The following ARHGAP30 variants were observed in gnomAD, a reference collection of about 807,000 sequenced individuals.
ARHGAP30 encodes rho GTPase-activating protein 30.
A neutral mutation model predicts 72.0 loss-of-function variants in ARHGAP30; 23 were observed. The observed-to-expected ratio is 0.32, with a 90% CI of 0.23 to 0.45. ARHGAP30 has a LOEUF of 0.45. Ranked by LOEUF, ARHGAP30 falls within the 20% of genes least tolerant of loss-of-function variation. ARHGAP30 has a pLI of 1.00. For missense variants in ARHGAP30, 1,319 were observed against 1,383.4 expected, an observed-to-expected ratio of 0.95 and a Z score of 0.74; for synonymous variants, 576 against 528.2, an observed-to-expected ratio of 1.09 and a Z score of -1.24.
rs777142994 is a variant in ARHGAP30 at position 161,052,765 on chromosome 1, G to A, written c.697C>T (p.Pro233Ser). 2 of 1,611,774 alleles carry A rather than the reference G, an allele frequency of 1.2e-6. No individual in the cohort carries two copies. The highest frequency in any genetic ancestry group is 1.3e-5 in the African/African-American group (1 of 74,954). Residue 233 changes from proline to serine, a missense_variant, in exon 7 of 12, where the codon CCA becomes TCA. Physicochemically the swap from Pro to Ser is moderately conservative, Grantham distance 74. Transcript: ENST00000368013. Reference sequence around the variant, plus strand: ...GGGCTGCCTGATGCCCGGGTCCCTGGAAGCGATCGCCACCCACTCTCCACC... The same window carrying A: ...GGGCTGCCTGATGCCCGGGTCCCTGAAAGCGATCGCCACCCACTCTCCACC... ...GEVESGWRSLPGTRASGSPED... is the reference protein window; with the variant it reads ...GEVESGWRSLSGTRASGSPED...
intron 10 of ARHGAP30, 48 bp from the exon 11 acceptor site, chr1:161,049,737 C>A: frequency 6.3e-7 from 1 of 1,580,812 alleles, no homozygotes; most frequent in South Asian, 1.2e-5. Context: ...AAGCCCTGAC[C>A]CTTTTCAGTG....
At chr1:161,051,750 C>T (rs1208550964) in intron 9 of ARHGAP30, 35 bp from the exon 10 acceptor site, 5 of 1,550,414 alleles carry the variant, frequency 3.2e-6, no homozygotes, top group Non-Finnish European at 4.3e-6. Flanking sequence ...TAGGCAATAG[C>T]CTAAACTCCA....
At chr1:161,067,667 C>T (rs1652865734) in intron 1 of ARHGAP30, among the ~76,000 whole-genome samples, 1 of 152,018 alleles carries the variant, frequency 6.6e-6, no homozygotes, top group African/African-American at 2.4e-5. Context: ...AAGGAAGAGA[C>T]CCATGTGGGG....
Position 161,047,703 on chromosome 1 carries a change from C to T in ARHGAP30, c.*12G>A. ...ACTTGCTGGTCCCCTTTGCCCAGGG[C>T]TGTGGTCCTAATCACAGTCCTTCAC... On this transcript the variant is annotated 3_prime_UTR_variant, in exon 12 of 12. Coordinates refer to ENST00000368013, the MANE Select transcript of ARHGAP30 (RefSeq NM_001025598.2). The T allele has an allele frequency of 6.6e-7, 1 of 1,511,204 alleles. No homozygotes were observed. The highest frequency in any genetic ancestry group is 8.8e-7 in the Non-Finnish European group (1 of 1,130,330). 93.6% of individuals were successfully genotyped at this position (1,511,204 alleles called of 1,614,324 possible).
intron 3 of ARHGAP30, among the ~76,000 whole-genome samples, chr1:161,055,682 G>A (rs1304887084): frequency 6.6e-6 from 1 of 151,598 alleles, no homozygotes. Context: ...TACTCGGGAG[G>A]CTGAGGCAGG....
In ARHGAP30 at chr1:161,054,440, G is replaced by A; in HGVS notation, c.462C>T (p.His154=). Residue 154 remains histidine, a synonymous_variant, in exon 5 of 12, where the codon CAC becomes CAT. Coordinates refer to ENST00000368013, the MANE Select transcript of ARHGAP30 (RefSeq NM_001025598.2). ...TLEFLMRHLV[H]MASFSAQTNM... ...TGGTCTGGGCACTGAATGAGGCCATGTGTACCAAGTGCCTCATGAGGAACT... is the reference window on the plus strand; with the variant it reads ...TGGTCTGGGCACTGAATGAGGCCATATGTACCAAGTGCCTCATGAGGAACT... 1 of 1,614,028 alleles carries A rather than the reference G, an allele frequency of 6.2e-7. No homozygotes were observed. Among genetic ancestry groups the A allele is most frequent in the Admixed American group, 1.7e-5 (1 of 59,990 alleles).
intron 2 of ARHGAP30, among the ~76,000 whole-genome samples, chr1:161,057,878 A>G (rs12036299): frequency 0.26 from 39,437 of 151,848 alleles, 7,700 homozygotes; most frequent in African/African-American, 0.55. Context: ...TGGGCTGAGC[A>G]TGGTGGCTCA....
chr1:161,052,793 A>C lies in ARHGAP30; in HGVS notation c.669T>G (p.Gly223=), dbSNP rs752676084. 6.2e-7 allele frequency: 1 copy of C among 1,609,924 alleles called. No homozygotes were observed. The highest frequency in any genetic ancestry group is 2.2e-5 in the East Asian group (1 of 44,828). The change falls in exon 7 of 12, where the codon GGT becomes GGG. Residue 223 remains glycine, a synonymous_variant. Transcript: ENST00000368013. ...QLFGGAALSG[G]EVESGWRSLP... ...GCGATCGCCACCCACTCTCCACCTC[A>C]CCACCTGGGAAAAGAAAAGGAATTG...
intron 6 of ARHGAP30, 114 bp from the exon 7 acceptor site, chr1:161,052,911 C>T: frequency 1.5e-6 from 2 of 1,307,256 alleles, no homozygotes; most frequent in South Asian, 2.9e-5. Flanking sequence ...ATTCAGAAGC[C>T]CCTGAAGACA....
intron 1 of ARHGAP30, among the ~76,000 whole-genome samples, chr1:161,060,816 C>T (rs1177558069): frequency 6.6e-6 from 1 of 150,664 alleles, no homozygotes; most frequent in Non-Finnish European, 1.5e-5. Flanking sequence ...AGTCTCCTGC[C>T]TCAGCCTCTC....
rs532082919 is a variant in ARHGAP30 at position 161,063,624 on chromosome 1, T to A, written c.98-3908A>T. Among the ~76,000 whole-genome samples the A allele has an allele frequency of 8.5e-5, 13 of 152,356 alleles. No homozygotes were observed. In the East Asian group the frequency reaches 2.5e-3, roughly 29 times the overall value. ...ACCCTGAAAAAAGAACAGGATAACA[T>A]CAATTGTTCAGGGAATAAGAGAGAT... On this transcript the variant is annotated intron_variant, in intron 1 of 11. Transcript: ENST00000368013.
rs1651359148 is a variant in ARHGAP30 at position 161,051,441 on chromosome 1, G to C, written c.1293C>G (p.Pro431=). 6.2e-7 allele frequency: 1 copy of C among 1,614,124 alleles called. No homozygotes were observed. Among genetic ancestry groups the C allele is most frequent in the Admixed American group, 1.7e-5 (1 of 60,016 alleles). The change falls in exon 10 of 12, where the codon CCC becomes CCG. Residue 431 remains proline, a synonymous_variant. Coordinates refer to ENST00000368013, the MANE Select transcript of ARHGAP30 (RefSeq NM_001025598.2). ...AGGAAACGTTAGAGATGATGTTCGG[G>C]GGCACACTGAGGATAGAGGTGATGT... ...PLHITSILSV[P]PNIISNVSLA...
intron 1 of ARHGAP30, among the ~76,000 whole-genome samples, chr1:161,067,945 G>A (rs748612108): frequency 6.6e-5 from 10 of 152,172 alleles, no homozygotes; most frequent in Non-Finnish European, 7.3e-5. Flanking sequence ...TGGGTTCTGT[G>A]AGGTTCTGGT....
At chr1:161,067,397 C>T (rs1408356408) in intron 1 of ARHGAP30, among the ~76,000 whole-genome samples, 3 of 152,048 alleles carry the variant, frequency 2.0e-5, no homozygotes. Context: ...TGGTGAAACC[C>T]TGTCTCTACT....
intron 4 of ARHGAP30, 59 bp downstream of exon 4, chr1:161,054,564 C>T (rs1220321147): frequency 2.5e-6 from 4 of 1,604,806 alleles, no homozygotes; most frequent in African/African-American, 2.7e-5. Flanking sequence ...AGTTAAGGCT[C>T]CAGGCAGCGA....
In ARHGAP30 at chr1:161,049,697, G is replaced by T; in HGVS notation, c.1421-8C>A. The T allele has an allele frequency of 6.2e-7, 1 of 1,611,126 alleles. No homozygotes were observed. The highest frequency in any genetic ancestry group is 8.5e-7 in the Non-Finnish European group (1 of 1,178,408). ...TTGCTTCCAACTTTTCATCTGTTGG[G>T]GGAGAAGTAGTCCCAGGAATACAAA... On this transcript the variant is annotated splice_polypyrimidine_tract_variant and splice_region_variant and intron_variant, in intron 10 of 11. Transcript: ENST00000368013.
In ARHGAP30 at chr1:161,054,466, C is replaced by G; in HGVS notation, c.436G>C (p.Glu146Gln). 1.9e-6 allele frequency: 3 copies of G among 1,613,794 alleles called. No homozygotes were observed. Reference protein sequence around the residue: ...ELPVPNYRTLEFLMRHLVHMA... With the variant: ...ELPVPNYRTLQFLMRHLVHMA... ...TGTACCAAGTGCCTCATGAGGAACTCCAGGGTCCTGCAGAAAGCGGGGGCA... is the reference window on the plus strand; with the variant it reads ...TGTACCAAGTGCCTCATGAGGAACTGCAGGGTCCTGCAGAAAGCGGGGGCA... The change falls in exon 5 of 12, where the codon GAG becomes CAG. Residue 146 changes from glutamate to glutamine, a missense_variant. This residue lies in a region of ARHGAP30 where 222 missense variants were observed against 338.2 expected (regional missense o/e 0.66). Transcript: ENST00000368013.
In ARHGAP30 at chr1:161,049,651, C is replaced by T. The variant is rs1651200155; in HGVS notation, c.1459G>A (p.Ala487Thr). 6 of 1,613,896 alleles carry T rather than the reference C, an allele frequency of 3.7e-6. No homozygotes were observed. Among genetic ancestry groups the T allele is most frequent in the Non-Finnish European group, 5.1e-6 (6 of 1,179,898 alleles). ...GCCAAGTCGTCTGGGCCTGAGTCTGCCAGGGGACTTGAGGCTGGACTTGCT... is the reference window on the plus strand; with the variant it reads ...GCCAAGTCGTCTGGGCCTGAGTCTGTCAGGGGACTTGAGGCTGGACTTGCT... ...LEASPASSPLADSGPDDLAPA... is the reference protein window; with the variant it reads ...LEASPASSPLTDSGPDDLAPA... Residue 487 changes from alanine to threonine, a missense_variant, in exon 11 of 12, where the codon GCA (alanine) becomes ACA (threonine). By Grantham distance (58) the Ala-to-Thr change is moderately conservative. Around this residue, in one of 2 missense-constraint regions of ARHGAP30, gnomAD observed 1,097 missense variants for 1,045.2 expected, o/e 1.05. Coordinates refer to ENST00000368013, the MANE Select transcript of ARHGAP30 (RefSeq NM_001025598.2).
intron 1 of ARHGAP30, among the ~76,000 whole-genome samples, chr1:161,068,779 G>T (rs1173167800): frequency 6.6e-6 from 1 of 152,026 alleles, no homozygotes; most frequent in Non-Finnish European, 1.5e-5. Context: ...GGTAACCCAG[G>T]GAGGGAGCTG....
Sources: gnomAD v4.1 joint callset for allele counts (sites outside exome capture counted in the v4.1 genomes callset) on GRCh38, gnomAD v4.1.1 for gene constraint, gnomAD v4.1.1 regional missense constraint, MANE v1.5 for transcripts, NCBI Gene and HGNC (gene_info 2026-07-23, HGNC 2026-07-21) for gene names.